FKBP5: variants seen among roughly 807,000 people sequenced by gnomAD.
FKBP5 encodes FKBP prolyl isomerase 5.
Under a neutral mutation model 50.5 loss-of-function variants are expected in FKBP5, and 23 were observed. The ratio of observed to expected loss-of-function variants is 0.46; its 90% CI spans 0.33 to 0.65. FKBP5 has a LOEUF of 0.65. Ranked by LOEUF, FKBP5 falls within the 30% of genes least tolerant of loss-of-function variation. The pLI is 0.02. For missense variants in FKBP5, 411 were observed against 553.1 expected (o/e 0.74, Z 2.58); for synonymous variants, 176 against 190.6 (o/e 0.92, Z 0.63).
At chr6:35,593,368 C>T (rs1389575630) in intron 6 of FKBP5, among the ~76,000 whole-genome samples, 1 of 152,182 alleles carries the variant, frequency 6.6e-6, no homozygotes, top group Admixed American at 6.5e-5. Flanking sequence ...ATAAGAAGCA[C>T]TTGGACTACA....
intron 1 of FKBP5, among the ~76,000 whole-genome samples, chr6:35,724,456 T>G (rs1424942452): frequency 6.6e-6 from 1 of 152,184 alleles, no homozygotes; most frequent in Non-Finnish European, 1.5e-5. Flanking sequence ...CCTCAAGGCA[T>G]GCAGGAGCTC....
chr6:35,707,756 T>C (rs1361858067), intron 2 of FKBP5, among the ~76,000 whole-genome samples: 2 of 152,138 alleles, frequency 1.3e-5, no homozygotes, highest in African/African-American at 4.8e-5. Context: ...CCTCTTTGTG[T>C]CCATGTGTTC....
chr6:35,692,681 C>T (rs1204048119), upstream of FKBP5, among the ~76,000 whole-genome samples: 2 of 150,864 alleles, frequency 1.3e-5, no homozygotes, highest in African/African-American at 4.9e-5. Context: ...GTCCCTGCTA[C>T]TTGGGAGGCT....
At chr6:35,684,864 T>C (rs1049121391) in intron 1 of FKBP5, among the ~76,000 whole-genome samples, 1 of 152,036 alleles carries the variant, frequency 6.6e-6, no homozygotes, top group African/African-American at 2.4e-5. Flanking sequence ...TTATCTCTAC[T>C]AAAAATTAAA....
rs777451189 is a variant in FKBP5 at position 35,683,632 on chromosome 6, AT to A, written c.-20+5171del. ...GGGCATGCACTGCCATGACTGGCTAATTTTTTTTTTTTTTTTTTTTTTTTTT... is the reference window on the plus strand; with the variant it reads ...GGGCATGCACTGCCATGACTGGCTAATTTTTTTTTTTTTTTTTTTTTTTTT... On this transcript the variant is annotated intron_variant, in intron 1 of 10. Transcript: ENST00000357266. Among the ~76,000 whole-genome samples, 298 of 109,366 alleles carry A rather than the reference AT, an allele frequency of 2.7e-3. 1 individual carries two copies. The highest frequency in any genetic ancestry group is 4.5e-3 in the African/African-American group (135 of 30,130). 71.7% of individuals were successfully genotyped at this position (109,366 alleles called of 152,430 possible). A position where few individuals can be genotyped will look rare whatever the true frequency, so the allele number is the denominator to read the frequency against.
intron 7 of FKBP5, among the ~76,000 whole-genome samples, chr6:35,589,126 A>ATTT (rs1421305008): frequency 1.6e-5 from 2 of 125,526 alleles, no homozygotes; most frequent in East Asian, 2.2e-4. Context: ...ATATATATAT[A>ATTT]TATTTTTTTT....
intron 3 of FKBP5, among the ~76,000 whole-genome samples, chr6:35,630,411 G>A (rs1433892520): frequency 6.6e-6 from 1 of 152,000 alleles, no homozygotes; most frequent in Non-Finnish European, 1.5e-5. Context: ...GCCAGGCATG[G>A]TGGTGCATGC....
intron 6 of FKBP5, among the ~76,000 whole-genome samples, chr6:35,593,560 ATTTTT>A (rs2150962079): frequency 6.6e-6 from 1 of 151,680 alleles, no homozygotes; most frequent in Non-Finnish European, 1.5e-5. Flanking sequence ...CTGTTTTTTT[ATTTTT>A]ATTTTTGAGA....
intron 7 of FKBP5, among the ~76,000 whole-genome samples, chr6:35,587,653 A>G (rs1245812829): frequency 1.3e-5 from 2 of 152,246 alleles, no homozygotes; most frequent in African/African-American, 4.8e-5. Context: ...TTGCAGATGT[A>G]TACTGGGGGG....
Position 35,683,120 on chromosome 6 carries a change from ATGTGTGTGTGTGTGTGTGTGTG to A in FKBP5, c.-20+5662_-20+5683del, listed in dbSNP as rs35830022. 6.7e-4 allele frequency among the ~76,000 whole-genome samples: 54 copies of A among 80,688 alleles called. 1 individual carries two copies. The highest frequency in any genetic ancestry group is 1.7e-3 in the African/African-American group (38 of 22,058). The allele number at this position is 80,688 out of a possible 152,430, so 52.9% of individuals were successfully genotyped here. A position where few individuals can be genotyped will look rare whatever the true frequency, so the allele number is the denominator to read the frequency against. ...AGTGTGTGTGTATATATATACGTATATGTGTGTGTGTGTGTGTGTGTGTGTGTGTGTGTGTGTGTGTGTGTGT... is the reference window on the plus strand; with the variant it reads ...AGTGTGTGTGTATATATATACGTATATGTGTGTGTGTGTGTGTGTGTGTGT... On this transcript the variant is annotated intron_variant, in intron 1 of 10. Transcript: ENST00000357266.
At chr6:35,594,588 G>A (rs983905865) in intron 6 of FKBP5, among the ~76,000 whole-genome samples, 2 of 152,140 alleles carry the variant, frequency 1.3e-5, no homozygotes, top group African/African-American at 2.4e-5. Context: ...TGCTTAGCAT[G>A]TAGGGGTTTT....
At chr6:35,715,962 G>T (rs779869994) in intron 2 of FKBP5, among the ~76,000 whole-genome samples, 8 of 152,200 alleles carry the variant, frequency 5.3e-5, no homozygotes, top group Non-Finnish European at 1.2e-4. Flanking sequence ...GGAGGGATTG[G>T]ATGGAAAGGA....
chr6:35,624,132 T>A (rs894297549), intron 3 of FKBP5, among the ~76,000 whole-genome samples: 5 of 152,156 alleles, frequency 3.3e-5, no homozygotes, highest in African/African-American at 4.8e-5. Context: ...CAACTGATTC[T>A]TAACAAGAGT....
At chr6:35,646,819 A>G (rs1221820854) in intron 1 of FKBP5, among the ~76,000 whole-genome samples, 1 of 152,254 alleles carries the variant, frequency 6.6e-6, no homozygotes, top group Non-Finnish European at 1.5e-5. Context: ...GCAGATAAGC[A>G]TACACTCTCC....
At chr6:35,699,639 T>C (rs530998463) in intron 2 of FKBP5, among the ~76,000 whole-genome samples, 14 of 152,210 alleles carry the variant, frequency 9.2e-5, no homozygotes, top group Non-Finnish European at 1.8e-4. Flanking sequence ...GAGGCTTCAA[T>C]TTCAATGGAT....
At chr6:35,692,699 G>A (rs1430269454), upstream of FKBP5, among the ~76,000 whole-genome samples, 3 of 150,228 alleles carry the variant, frequency 2.0e-5, no homozygotes, top group African/African-American at 7.4e-5. Flanking sequence ...GCTGAGGCAT[G>A]AGAATTGCCT....
At chr6:35,579,895 C>A in intron 9 of FKBP5, 141 bp downstream of exon 9, 2 of 609,478 alleles carry the variant, frequency 3.3e-6, no homozygotes, top group South Asian at 2.6e-5. Flanking sequence ...TACTGAGAAA[C>A]AAATAATCCC....
upstream of FKBP5, among the ~76,000 whole-genome samples, chr6:35,690,072 A>G (rs1481922297): frequency 1.3e-5 from 2 of 152,266 alleles, no homozygotes; most frequent in Non-Finnish European, 2.9e-5. Context: ...TAGCCAGATT[A>G]GAACTCATGT....
chr6:35,663,442 A>C (rs1472673811), intron 1 of FKBP5, among the ~76,000 whole-genome samples: 1 of 152,268 alleles, frequency 6.6e-6, no homozygotes, highest in Non-Finnish European at 1.5e-5. Flanking sequence ...AGAAATGACA[A>C]GCAGACTAGC....
Sources: allele counts gnomAD v4.1 joint callset (sites outside exome capture counted in the v4.1 genomes callset), GRCh38; gene constraint gnomAD v4.1.1; transcripts MANE v1.5; gene names NCBI Gene and HGNC (gene_info 2026-07-23, HGNC 2026-07-21).